The following ADGRB3 variants were observed in gnomAD, a reference collection of about 807,000 sequenced individuals.
The protein encoded by ADGRB3 is brain-specific angiogenesis inhibitor 3.
A neutral mutation model predicts 193.4 loss-of-function variants in ADGRB3; 37 were observed. The ratio of observed to expected loss-of-function variants is 0.19; its 90% CI spans 0.15 to 0.25. The LOEUF (loss-of-function observed/expected upper bound fraction) is 0.25, where lower values mean the gene tolerates loss of function less well. ADGRB3 is among the 10% of genes least tolerant of loss of function. ADGRB3 has a pLI of 1.00. For missense variants in ADGRB3, 1,637 were observed against 1,852.9 expected (o/e 0.88, Z 2.14); for synonymous variants, 690 against 644.2 (o/e 1.07, Z -1.08).
intron 3 of ADGRB3, among the ~76,000 whole-genome samples, chr6:68,710,077 C>G (rs1043493328): frequency 5.3e-5 from 8 of 152,164 alleles, no homozygotes; most frequent in Non-Finnish European, 1.2e-4. Flanking sequence ...CTGTGGACAG[C>G]AAATGTGCAC....
intron 17 of ADGRB3, among the ~76,000 whole-genome samples, chr6:69,177,082 T>A (rs1473026297): frequency 6.6e-6 from 1 of 152,120 alleles, no homozygotes; most frequent in Non-Finnish European, 1.5e-5. Context: ...CCATTTTTGG[T>A]TTTGTTGATT....
chr6:68,686,189 CATT>C (rs927651766), intron 3 of ADGRB3, among the ~76,000 whole-genome samples: 12 of 152,098 alleles, frequency 7.9e-5, no homozygotes, highest in African/African-American at 2.9e-4. Context: ...TGAGCAGAAG[CATT>C]GTTGTGTGGA....
chr6:68,861,913 C>G (rs1369992881), intron 3 of ADGRB3, among the ~76,000 whole-genome samples: 6 of 152,126 alleles, frequency 3.9e-5, no homozygotes, highest in Non-Finnish European at 7.3e-5. Context: ...GTGCTTAGAA[C>G]AGTGTCTGAC....
Position 68,712,915 on chromosome 6 carries a change from T to C in ADGRB3, c.757+73483T>C, listed in dbSNP as rs192258678. On this transcript the variant is annotated intron_variant, in intron 3 of 31. Coordinates refer to ENST00000370598, the MANE Select transcript of ADGRB3 (RefSeq NM_001704.3). ...AATTTTACTAATTAATAAAATAATT[T>C]TTTTTATAAATTCATTTTGGAACTT... Among the ~76,000 whole-genome samples the C allele has an allele frequency of 2.4e-3, 358 of 149,308 alleles. 7 individuals are homozygous for C. The East Asian group carries it at 0.03, about 12-fold the overall frequency.
chr6:68,641,926 A>T (rs747155728), intron 3 of ADGRB3, among the ~76,000 whole-genome samples: 36 of 152,036 alleles, frequency 2.4e-4, no homozygotes, highest in Non-Finnish European at 3.1e-4. Flanking sequence ...AATGACATAG[A>T]GCTTGAGGTT....
At chr6:68,707,970 G>C (rs1451272663) in intron 3 of ADGRB3, among the ~76,000 whole-genome samples, 1 of 152,130 alleles carries the variant, frequency 6.6e-6, no homozygotes, top group Non-Finnish European at 1.5e-5. Flanking sequence ...ACACAAGAAA[G>C]TAAAGTCACA....
chr6:69,122,969 T>C (rs929619930), intron 17 of ADGRB3, among the ~76,000 whole-genome samples: 21 of 148,468 alleles, frequency 1.4e-4, no homozygotes, highest in African/African-American at 4.9e-4. Flanking sequence ...TGTATATATA[T>C]GTGTGTATAT....
At chr6:69,007,666 ATCTCTCTC>A (rs754438943) in intron 11 of ADGRB3, among the ~76,000 whole-genome samples, 1 of 140,630 alleles carries the variant, frequency 7.1e-6, no homozygotes, top group African/African-American at 2.7e-5. Context: ...ATCTAAAGTA[ATCTCTCTC>A]TCTCTCTCTC....
At chr6:68,651,031 GTTTAC>G (rs947204028) in intron 3 of ADGRB3, among the ~76,000 whole-genome samples, 6 of 152,158 alleles carry the variant, frequency 3.9e-5, no homozygotes, top group Non-Finnish European at 8.8e-5. Context: ...ACAAAAATCT[GTTTAC>G]TTTATATAAT....
In ADGRB3 at chr6:69,339,436, C is replaced by T. The variant is rs1334497129; in HGVS notation, c.3391C>T (p.Leu1131Phe). 6.2e-7 allele frequency: 1 copy of T among 1,614,016 alleles called. No individual in the cohort carries two copies. ...TDKRSILFQI[L>F]FAVFDSLQGF... The stretch of plus-strand genomic sequence containing the variant: ...TAAACGCTCCATATTGTTTCAAATA[C>T]TTTTTGCTGTGTTTGATTCATTGCA... The change falls in exon 26 of 32, where the codon CTT becomes TTT. Residue 1131 changes from leucine to phenylalanine, a missense_variant. Physicochemically the swap from Leu to Phe is conservative, Grantham distance 22. Transcript: ENST00000370598.
At chr6:69,088,603 A>T (rs1050455229) in intron 17 of ADGRB3, among the ~76,000 whole-genome samples, 4 of 152,154 alleles carry the variant, frequency 2.6e-5, no homozygotes, top group African/African-American at 9.7e-5. Context: ...AAAATTCCTG[A>T]CCTCAGGTGA....
intron 29 of ADGRB3, among the ~76,000 whole-genome samples, chr6:69,371,724 G>T (rs1399478397): frequency 6.6e-6 from 1 of 151,974 alleles, no homozygotes; most frequent in African/African-American, 2.4e-5. Flanking sequence ...CTAGATTTCA[G>T]AAACTGTTTA....
At chr6:68,844,777 T>C (rs1248836322) in intron 3 of ADGRB3, among the ~76,000 whole-genome samples, 1 of 152,136 alleles carries the variant, frequency 6.6e-6, no homozygotes. Context: ...AAATGGAGTA[T>C]TATTCAGCCA....
chr6:69,030,936 T>C (rs991507909), intron 13 of ADGRB3, among the ~76,000 whole-genome samples: 2 of 88,006 alleles, frequency 2.3e-5, no homozygotes, highest in Non-Finnish European at 4.9e-5. Context: ...TTTTGGGTTT[T>C]AATTTTCTTT....
intron 30 of ADGRB3, 75 bp from the exon 31 acceptor site, chr6:69,382,756 A>G (rs1769978672): frequency 2.6e-6 from 3 of 1,146,612 alleles, no homozygotes; most frequent in Non-Finnish European, 3.7e-6. Context: ...TTATTAAAGC[A>G]AAAATATTAA....
chr6:68,944,339 A>G (rs1244819138), intron 6 of ADGRB3, among the ~76,000 whole-genome samples: 3 of 152,156 alleles, frequency 2.0e-5, no homozygotes, highest in Non-Finnish European at 4.4e-5. Flanking sequence ...CACTGGAACT[A>G]GGGAGATCTG....
chr6:69,324,787 T>C (rs1768533139), intron 20 of ADGRB3, 85 bp from the exon 21 acceptor site: 7 of 1,425,218 alleles, frequency 4.9e-6, no homozygotes, highest in Non-Finnish European at 6.7e-6. Flanking sequence ...AAGCAATGAA[T>C]CAGAGATTAA....
intron 20 of ADGRB3, among the ~76,000 whole-genome samples, chr6:69,290,828 G>T (rs1020966201): frequency 2.0e-5 from 3 of 151,848 alleles, no homozygotes; most frequent in African/African-American, 7.3e-5. Flanking sequence ...TAGTGTTTCA[G>T]TTAACATGAA....
In ADGRB3 at chr6:68,931,900, A is replaced by T. The variant is rs78657426; in HGVS notation, c.868+1231A>T. Among the ~76,000 whole-genome samples, 18 of 152,328 alleles carry T rather than the reference A, an allele frequency of 1.2e-4. No individual in the cohort carries two copies. In the East Asian group the frequency reaches 3.5e-3, roughly 29 times the overall value. On this transcript the variant is annotated intron_variant, in intron 4 of 31. Coordinates refer to ENST00000370598, the MANE Select transcript of ADGRB3 (RefSeq NM_001704.3). ...ATATTGCAACCAAATACAGAAATGT[A>T]GAAACTTGCTTATCTGGATCCCTTT...
Sources: gnomAD v4.1 joint callset for allele counts (sites outside exome capture counted in the v4.1 genomes callset) on GRCh38, gnomAD v4.1.1 for gene constraint, MANE v1.5 for transcripts, NCBI Gene and HGNC (gene_info 2026-07-23, HGNC 2026-07-21) for gene names.